Variants in IL1RAP observed in about 807,000 individuals in gnomAD.
IL1RAP encodes interleukin-1 receptor accessory protein.
A neutral mutation model predicts 60.7 loss-of-function variants in IL1RAP; 35 were observed. That is an observed-to-expected ratio of 0.58 (90% CI 0.44 to 0.76). The LOEUF is 0.76. IL1RAP is among the 30% of genes least tolerant of loss of function. IL1RAP has a pLI of 0.00. For synonymous variants in IL1RAP, 268 were observed against 250.9 expected, an observed-to-expected ratio of 1.07 and a Z score of -0.64; for missense variants, 572 against 693.9, an observed-to-expected ratio of 0.82 and a Z score of 1.97.
At chr3:190,602,026 G>T (rs1729903931) in intron 3 of IL1RAP, among the ~76,000 whole-genome samples, 1 of 152,168 alleles carries the variant, frequency 6.6e-6, no homozygotes, top group African/African-American at 2.4e-5. Context: ...AGATTTGATG[G>T]CTGGTGAGAT....
chr3:190,649,284 T>C lies in IL1RAP; in HGVS notation c.*579T>C, dbSNP rs1375138192. The C allele has an allele frequency of 1.0e-6, 1 of 985,374 alleles. No homozygotes were observed. Among genetic ancestry groups the C allele is most frequent in the Non-Finnish European group, 1.2e-6 (1 of 829,620 alleles). The allele number at this position is 985,374 out of a possible 1,614,324, so 61.0% of individuals were successfully genotyped here. The stretch of plus-strand genomic sequence containing the variant: ...AACTGAAAATGTTTCTTTTAATTGA[T>C]TTAAAGGACTTGTCTTCTATACCAC... On this transcript the variant is annotated 3_prime_UTR_variant, in exon 12 of 12. Transcript: ENST00000447382.
chr3:190,562,111 A>C (rs908100750), intron 2 of IL1RAP, among the ~76,000 whole-genome samples: 7 of 152,136 alleles, frequency 4.6e-5, no homozygotes, highest in Non-Finnish European at 7.4e-5. Context: ...GCTTGAGCAA[A>C]ACTCAGTTCT....
Position 190,644,363 on chromosome 3 carries a change from C to T in IL1RAP, c.1167C>T (p.Tyr389=). The T allele has an allele frequency of 1.9e-6, 3 of 1,613,908 alleles. No individual in the cohort carries two copies. The highest frequency in any genetic ancestry group is 2.5e-6 in the Non-Finnish European group (3 of 1,179,904). Residue 389 remains tyrosine (Y), a synonymous_variant, in exon 10 of 12, where the codon TAC becomes TAT. Coordinates refer to ENST00000447382, the MANE Select transcript of IL1RAP (RefSeq NM_002182.4). ...ACTGGCTAGAGATGGTCCTATTTTACCGGGCTCATTTTGGAACAGATGAAA... is the reference window on the plus strand; with the variant it reads ...ACTGGCTAGAGATGGTCCTATTTTATCGGGCTCATTTTGGAACAGATGAAA... ...HVYWLEMVLF[Y]RAHFGTDETI... is the part of the protein sequence containing the mutation.
Position 190,648,997 on chromosome 3 carries a change from A to T in IL1RAP, c.*292A>T. ...TTCTACATTGTCTATCCCTGTTTTT[A>T]TATGTCTCCATTCTTTTTAAAATCT... On this transcript the variant is annotated 3_prime_UTR_variant, in exon 12 of 12. Coordinates refer to ENST00000447382, the MANE Select transcript of IL1RAP (RefSeq NM_002182.4). The T allele has an allele frequency of 9.2e-7, 1 of 1,083,890 alleles. No individual in the cohort carries two copies. Among genetic ancestry groups the T allele is most frequent in the Non-Finnish European group, 1.1e-6 (1 of 893,624 alleles). 67.1% of individuals were successfully genotyped at this position (1,083,890 alleles called of 1,614,324 possible).
At chr3:190,573,452 T>C (rs1442553624) in intron 3 of IL1RAP, among the ~76,000 whole-genome samples, 1 of 152,164 alleles carries the variant, frequency 6.6e-6, no homozygotes, top group Non-Finnish European at 1.5e-5. Flanking sequence ...TGGAGGTTGA[T>C]TGAAATCATG....
chr3:190,654,080 C>A (rs928274282), downstream of IL1RAP, among the ~76,000 whole-genome samples: 1 of 152,024 alleles, frequency 6.6e-6, no homozygotes, highest in Admixed American at 6.6e-5. Flanking sequence ...ACTCAAAAGT[C>A]ATTTTTTAAG....
chr3:190,603,086 A>T (rs944716093), intron 3 of IL1RAP, among the ~76,000 whole-genome samples: 7 of 152,124 alleles, frequency 4.6e-5, no homozygotes, highest in African/African-American at 1.7e-4. Flanking sequence ...AGAATAAATT[A>T]TAGAAGCCAT....
downstream of IL1RAP, chr3:190,655,863 T>C (rs1322701263): frequency 2.0e-6 from 3 of 1,486,968 alleles, no homozygotes; most frequent in African/African-American, 4.2e-5. Flanking sequence ...CACTATACAT[T>C]GTCCTATATT....
intron 3 of IL1RAP, among the ~76,000 whole-genome samples, chr3:190,579,164 C>G (rs1490320753): frequency 1.3e-5 from 2 of 152,170 alleles, no homozygotes; most frequent in East Asian, 3.8e-4. Context: ...AGCTAGTTAT[C>G]AACATTTCCG....
At chr3:190,601,923 C>A (rs1219148361) in intron 3 of IL1RAP, among the ~76,000 whole-genome samples, 4 of 152,118 alleles carry the variant, frequency 2.6e-5, no homozygotes, top group African/African-American at 9.7e-5. Flanking sequence ...AGAGAAAAAG[C>A]AAAATCTTTT....
chr3:190,608,394 A>T (rs754262722), intron 4 of IL1RAP, among the ~76,000 whole-genome samples: 2 of 152,204 alleles, frequency 1.3e-5, no homozygotes, highest in African/African-American at 2.4e-5. Context: ...AACATACAAT[A>T]TAAAAGATGA....
In IL1RAP at chr3:190,519,534, A is replaced by T. The variant is rs1721829579; in HGVS notation, c.-89+5315A>T. ...GCAAAGCCTTTTGGTCCACTACAGC[A>T]TATTTACTAGATACCACACCATGAA... On this transcript the variant is annotated intron_variant, in intron 1 of 11. Coordinates refer to ENST00000447382, the MANE Select transcript of IL1RAP (RefSeq NM_002182.4). Among the ~76,000 whole-genome samples, 3 of 152,210 alleles carry T rather than the reference A, an allele frequency of 2.0e-5. No individual in the cohort carries two copies. The South Asian group carries it at 6.2e-4, about 32-fold the overall frequency.
chr3:190,536,204 C>T (rs1279629730), intron 1 of IL1RAP, among the ~76,000 whole-genome samples: 2 of 152,176 alleles, frequency 1.3e-5, no homozygotes, highest in Non-Finnish European at 2.9e-5. Flanking sequence ...AAGTTTGTGA[C>T]TTCTTCTCTG....
At chr3:190,567,372 C>T (rs1404110492) in intron 3 of IL1RAP, among the ~76,000 whole-genome samples, 2 of 152,134 alleles carry the variant, frequency 1.3e-5, no homozygotes, top group South Asian at 2.1e-4. Flanking sequence ...AATAATAAAG[C>T]TCCCTTTGCT....
chr3:190,526,895 C>G (rs181965025), intron 1 of IL1RAP, among the ~76,000 whole-genome samples: 4 of 152,202 alleles, frequency 2.6e-5, no homozygotes, highest in Non-Finnish European at 5.9e-5. Context: ...ATCCTGGCAT[C>G]CTGCCCTCAG....
At position 190,639,228 on chromosome 3, in the gene IL1RAP, C is replaced by G. The variant is rs146928490; in HGVS notation, c.1052-5020C>G. Among the ~76,000 whole-genome samples, 502 of 152,188 alleles carry G rather than the reference C, an allele frequency of 3.3e-3. 1 individual carries two copies. Among genetic ancestry groups the G allele is most frequent in the Non-Finnish European group, 5.2e-3 (357 of 68,006 alleles). ...AATATGTCTAGCTTTCCCCCTCACT[C>G]TTTCTCTTCTTTTAGTACTCCAGCT... On this transcript the variant is annotated intron_variant, in intron 9 of 11. Coordinates refer to ENST00000447382, the MANE Select transcript of IL1RAP (RefSeq NM_002182.4).
intron 7 of IL1RAP, among the ~76,000 whole-genome samples, chr3:190,625,603 C>A (rs916311498): frequency 7.9e-5 from 12 of 152,036 alleles, no homozygotes; most frequent in Non-Finnish European, 1.8e-4. Flanking sequence ...AATAAAGATA[C>A]AATTGATCTT....
Position 190,604,198 on chromosome 3 carries a change from C to G in IL1RAP, c.135C>G (p.Ile45Met). The stretch of plus-strand genomic sequence containing the variant: ...TGTTTGAAGATGAGCCAGCTCGCAT[C>G]AAGTGCCCACTCTTTGAACACTTCT... ...IQVFEDEPAR[I>M]KCPLFEHFLK... Residue 45 changes from isoleucine to methionine, a missense_variant, in exon 4 of 12, where the codon ATC becomes ATG. By Grantham distance (10) the Ile-to-Met change is conservative. Coordinates refer to ENST00000447382, the MANE Select transcript of IL1RAP (RefSeq NM_002182.4). 6.2e-7 allele frequency: 1 copy of G among 1,614,080 alleles called. No individual in the cohort carries two copies. Among genetic ancestry groups the G allele is most frequent in the Middle Eastern group, 1.7e-4 (1 of 6,060 alleles).
At chr3:190,539,206 T>G (rs571702958) in intron 1 of IL1RAP, among the ~76,000 whole-genome samples, 1 of 152,256 alleles carries the variant, frequency 6.6e-6, no homozygotes, top group East Asian at 1.9e-4. Context: ...TGTATTAATA[T>G]TTTATGAATA....
Sources: allele counts gnomAD v4.1 joint callset (sites outside exome capture counted in the v4.1 genomes callset), GRCh38; gene constraint gnomAD v4.1.1; transcripts MANE v1.5; gene names NCBI Gene and HGNC (gene_info 2026-07-23, HGNC 2026-07-21).